Variants in METTL15 observed in about 807,000 individuals in gnomAD.
METTL15 encodes 12S rRNA N(4)-cytidine methyltransferase METTL15.
A neutral mutation model predicts 38.3 loss-of-function variants in METTL15; 34 were observed. That is an observed-to-expected ratio of 0.89 (90% CI 0.68 to 1.18). METTL15 has a LOEUF of 1.18. Among genes scored for constraint, METTL15 ranks in the 50% most tolerant of loss-of-function variants. METTL15 has a pLI of 0.00. For missense variants in METTL15, 438 were observed against 498.4 expected (o/e 0.88, Z 1.15); for synonymous variants, 162 against 170.9 (o/e 0.95, Z 0.41).
At chr11:28,364,764 C>A (rs76350232) in intron 5 of METTL15, among the ~76,000 whole-genome samples, 1 of 152,220 alleles carries the variant, frequency 6.6e-6, no homozygotes, top group East Asian at 1.9e-4. Flanking sequence ...TGTTCCAGTT[C>A]TCAAGGCAAA....
chr11:28,181,174 A>G (rs1482471618), intron 3 of METTL15, among the ~76,000 whole-genome samples: 1 of 151,710 alleles, frequency 6.6e-6, no homozygotes, highest in Non-Finnish European at 1.5e-5. Context: ...ATATGTACAC[A>G]GGGATATCAA....
downstream of METTL15, among the ~76,000 whole-genome samples, chr11:28,527,636 G>A (rs747172854): frequency 4.6e-5 from 7 of 152,144 alleles, no homozygotes; most frequent in Non-Finnish European, 2.9e-5. Context: ...AAAGAGGCAT[G>A]GTGCTTTGAA....
At chr11:28,250,160 T>C (rs1854679085) in intron 4 of METTL15, among the ~76,000 whole-genome samples, 1 of 152,120 alleles carries the variant, frequency 6.6e-6, no homozygotes. Flanking sequence ...GTCTTTGCTA[T>C]TGTGAATAGT....
intron 6 of METTL15, among the ~76,000 whole-genome samples, chr11:28,440,226 C>A (rs1851022573): frequency 1.3e-5 from 2 of 152,004 alleles, no homozygotes; most frequent in African/African-American, 4.8e-5. Flanking sequence ...ATAGAGGGAA[C>A]TAAGACCTAG....
At chr11:28,295,161 T>C (rs1856684440) in intron 5 of METTL15, among the ~76,000 whole-genome samples, 1 of 152,164 alleles carries the variant, frequency 6.6e-6, no homozygotes, top group Non-Finnish European at 1.5e-5. Flanking sequence ...GTGGCATGCA[T>C]TGAGCATCTT....
chr11:28,472,050 T>C (rs1484456699), intron 6 of METTL15, among the ~76,000 whole-genome samples: 1 of 152,136 alleles, frequency 6.6e-6, no homozygotes, highest in African/African-American at 2.4e-5. Context: ...AGTCACAGGT[T>C]TGCAATAGAA....
At chr11:28,144,419 A>G (rs959295937) in intron 3 of METTL15, among the ~76,000 whole-genome samples, 10 of 152,044 alleles carry the variant, frequency 6.6e-5, no homozygotes, top group Non-Finnish European at 1.3e-4. Context: ...AATTACTCAT[A>G]CTCATGTTTC....
At chr11:28,523,580 G>A (rs1851785249) in intron 6 of METTL15, among the ~76,000 whole-genome samples, 1 of 152,166 alleles carries the variant, frequency 6.6e-6, no homozygotes, top group Non-Finnish European at 1.5e-5. Context: ...TCATTATGAA[G>A]CTAGAATTGC....
chr11:28,390,947 C>T (rs1293800647), intron 5 of METTL15, among the ~76,000 whole-genome samples: 1 of 152,140 alleles, frequency 6.6e-6, no homozygotes, highest in Non-Finnish European at 1.5e-5. Flanking sequence ...TCCTTCACGT[C>T]CCTTGTAAGT....
At chr11:28,146,818 C>T (rs1849903936) in intron 3 of METTL15, among the ~76,000 whole-genome samples, 1 of 151,828 alleles carries the variant, frequency 6.6e-6, no homozygotes, top group South Asian at 2.1e-4. Context: ...TGCTTACATT[C>T]CTTTACATTG....
At chr11:28,114,871 G>A (rs1299237893) in intron 3 of METTL15, among the ~76,000 whole-genome samples, 1 of 152,158 alleles carries the variant, frequency 6.6e-6, no homozygotes, top group Non-Finnish European at 1.5e-5. Flanking sequence ...GAGTTGATTG[G>A]TTTTGTCAAA....
intron 6 of METTL15, among the ~76,000 whole-genome samples, chr11:28,494,249 T>C (rs928452028): frequency 1.3e-5 from 2 of 152,210 alleles, no homozygotes; most frequent in South Asian, 2.1e-4. Context: ...GGGGTCGATC[T>C]ATTCACCACC....
At chr11:28,250,558 C>A (rs898915889) in intron 4 of METTL15, among the ~76,000 whole-genome samples, 7 of 64,984 alleles carry the variant, frequency 1.1e-4, no homozygotes, top group Non-Finnish European at 2.5e-4. Flanking sequence ...AAGTTACTCT[C>A]CTTTTTTTAA....
chr11:28,483,908 G>T (rs975102556), intron 6 of METTL15, among the ~76,000 whole-genome samples: 1 of 151,936 alleles, frequency 6.6e-6, no homozygotes, highest in Non-Finnish European at 1.5e-5. Context: ...TAAACAATTG[G>T]TATCATTATT....
intron 3 of METTL15, among the ~76,000 whole-genome samples, chr11:28,146,373 T>C (rs1032329208): frequency 6.6e-6 from 1 of 152,046 alleles, no homozygotes; most frequent in African/African-American, 2.4e-5. Flanking sequence ...TACTAACTAA[T>C]TGGAAACAGT....
At chr11:28,369,083 A>G (rs1033438380) in intron 5 of METTL15, among the ~76,000 whole-genome samples, 2 of 152,080 alleles carry the variant, frequency 1.3e-5, no homozygotes, top group African/African-American at 4.8e-5. Flanking sequence ...GCAAGCCACC[A>G]TGGCACCTGT....
intron 6 of METTL15, among the ~76,000 whole-genome samples, chr11:28,457,338 T>TTTG (rs925696930): frequency 1.5e-4 from 23 of 152,270 alleles, no homozygotes; most frequent in Admixed American, 1.4e-3. Flanking sequence ...ATATGTTGTT[T>TTTG]TTGTTGTTGT....
intron 4 of METTL15, among the ~76,000 whole-genome samples, chr11:28,216,856 C>G (rs1394062601): frequency 6.6e-6 from 1 of 150,724 alleles, no homozygotes; most frequent in Non-Finnish European, 1.5e-5. Flanking sequence ...ATGATGGTTT[C>G]CAGCCTCATC....
At chr11:28,214,248 G>A (rs1852770764) in intron 4 of METTL15, among the ~76,000 whole-genome samples, 1 of 151,798 alleles carries the variant, frequency 6.6e-6, no homozygotes, top group Admixed American at 6.6e-5. Flanking sequence ...TGCCCAGGCT[G>A]GTCTTGAACT....
Sources: gnomAD v4.1 joint callset for allele counts (sites outside exome capture counted in the v4.1 genomes callset) on GRCh38, gnomAD v4.1.1 for gene constraint, MANE v1.5 for transcripts, NCBI Gene and HGNC (gene_info 2026-07-23, HGNC 2026-07-21) for gene names.